The following KCNJ8 variants were observed in gnomAD, a reference collection of about 807,000 sequenced individuals.
KCNJ8 encodes the protein ATP-sensitive inward rectifier potassium channel 8.
Under a neutral mutation model 28.2 loss-of-function variants are expected in KCNJ8, and 13 were observed. That is an observed-to-expected ratio of 0.46 (90% CI 0.30 to 0.73). KCNJ8 has a LOEUF of 0.73. KCNJ8 is among the 30% of genes least tolerant of loss of function. The pLI, the probability that KCNJ8 is intolerant of heterozygous loss-of-function variation, is 0.07. For synonymous variants in KCNJ8, 188 were observed against 195.9 expected (o/e 0.96, Z 0.34); for missense variants, 284 against 542.6 (o/e 0.52, Z 4.73).
chr12:21,773,562 C>G lies in KCNJ8; in HGVS notation c.55G>C (p.Ala19Pro). The part of the protein sequence containing the change: ...PEEYVLARIA[A>P]ENLRKPRIRD... Reference sequence around the variant, plus strand: ...ATGCGCGGCTTGCGCAGGTTCTCTGCGGCGATGCGCGCCAGCACATACTCC... The same window carrying G: ...ATGCGCGGCTTGCGCAGGTTCTCTGGGGCGATGCGCGCCAGCACATACTCC... Residue 19 changes from alanine (A) to proline (P), a missense_variant, in exon 2 of 3, where the codon GCA (alanine) becomes CCA (proline). By Grantham distance (27) the Ala-to-Pro change is conservative. This residue lies in a region of KCNJ8 where 54 missense variants were observed against 77.5 expected (regional missense o/e 0.70). Coordinates refer to ENST00000240662, the MANE Select transcript of KCNJ8 (RefSeq NM_004982.4). The surrounding 1 kb of genome is among the most constrained non-coding windows in gnomAD (Gnocchi z 4.6). 6.2e-7 allele frequency: 1 copy of G among 1,614,066 alleles called. No homozygotes were observed. Among genetic ancestry groups the G allele is most frequent in the Non-Finnish European group, 8.5e-7 (1 of 1,180,038 alleles).
intron 2 of KCNJ8, among the ~76,000 whole-genome samples, chr12:21,767,852 C>T (rs1940668297): frequency 6.6e-6 from 1 of 152,134 alleles, no homozygotes; most frequent in Admixed American, 6.6e-5. Context: ...ACAATTTTTT[C>T]AAAACGTGCT....
chr12:21,774,282 AAG>A (rs1184150337), intron 1 of KCNJ8, among the ~76,000 whole-genome samples: 6 of 152,188 alleles, frequency 3.9e-5, no homozygotes, highest in Non-Finnish European at 7.4e-5. Flanking sequence ...TGCATCTAAA[AAG>A]AGTTAAAAAG....
intron 1 of KCNJ8, among the ~76,000 whole-genome samples, chr12:21,774,032 C>A (rs1408006004): frequency 6.6e-6 from 1 of 152,138 alleles, no homozygotes; most frequent in South Asian, 2.1e-4. Context: ...CAGCACGTGG[C>A]GTCAGTCATG....
In KCNJ8 at chr12:21,765,259, A is replaced by G. The variant is rs1276065363; in HGVS notation, c.*464T>C. On this transcript the variant is annotated 3_prime_UTR_variant, in exon 3 of 3. Transcript: ENST00000240662. ...TACCAAATGCAGTTATCATGGAGAC[A>G]GGAGAAGGCTGATGTACAAAACGCA... 4.3e-6 allele frequency: 1 copy of G among 230,604 alleles called. No individual in the cohort carries two copies. The highest frequency in any genetic ancestry group is 8.6e-6 in the Non-Finnish European group (1 of 116,104). The allele number at this position is 230,604 out of a possible 1,614,324, so 14.3% of individuals were successfully genotyped here.
At chr12:21,772,277 G>A (rs994628613) in intron 2 of KCNJ8, among the ~76,000 whole-genome samples, 7 of 152,076 alleles carry the variant, frequency 4.6e-5, no homozygotes, top group Admixed American at 2.0e-4. Flanking sequence ...AATTTAAAAT[G>A]TTCTTTTAAA....
chr12:21,765,761 T>C lies in KCNJ8; in HGVS notation c.1237A>G (p.Met413Val), dbSNP rs1198878252. The C allele has an allele frequency of 6.2e-7, 1 of 1,614,190 alleles. No individual in the cohort carries two copies. The stretch of plus-strand genomic sequence containing the variant: ...GTGTTTTGATTTCCTTCTGGAGTCA[T>C]AAATTGCACCTTTGGTACCATGAGG... ...SSLMVPKVQF[M>V]TPEGNQNTSE... The change falls in exon 3 of 3, where the codon ATG becomes GTG. Residue 413 changes from methionine (M) to valine (V), a missense_variant. Physicochemically the swap from Met to Val is conservative, Grantham distance 21 (BLOSUM62 1). Around this residue, in one of 8 missense-constraint regions of KCNJ8, gnomAD observed 50 missense variants for 55.9 expected, o/e 0.90. Transcript: ENST00000240662.
In KCNJ8 at chr12:21,774,450, C is replaced by G. The variant is rs1170822311; in HGVS notation, c.-71+96G>C. On this transcript the variant is annotated intron_variant, in intron 1 of 2. Coordinates refer to ENST00000240662, the MANE Select transcript of KCNJ8 (RefSeq NM_004982.4). ...AGTGTGCCCCGAAAAGTCCATCCATCACTGCAAGCCTCTGCGGTGTTTTGC... is the reference window on the plus strand; with the variant it reads ...AGTGTGCCCCGAAAAGTCCATCCATGACTGCAAGCCTCTGCGGTGTTTTGC... 2.6e-5 allele frequency: 4 copies of G among 151,660 alleles called. No homozygotes were observed. In the East Asian group the frequency reaches 7.8e-4, roughly 30 times the overall value. The allele number at this position is 151,660 out of a possible 1,614,324, so 9.4% of individuals were successfully genotyped here.
chr12:21,766,516 A>G lies in KCNJ8; in HGVS notation c.482T>C (p.Leu161Pro). The G allele has an allele frequency of 6.2e-7, 1 of 1,613,508 alleles. No homozygotes were observed. Among genetic ancestry groups the G allele is most frequent in the Admixed American group, 1.7e-5 (1 of 60,014 alleles). ...GATGATCAAACCCACAATATTCTGG[A>G]GAATCAAAACCGTGATGGCCAAAGG... The part of the protein sequence containing the change: ...ECPLAITVLI[L>P]QNIVGLIINA... Residue 161 changes from leucine to proline, a missense_variant, in exon 3 of 3, where the codon CTC becomes CCC. Leu to Pro is a moderately conservative substitution (Grantham distance 98, BLOSUM62 -3). Around this residue, in one of 8 missense-constraint regions of KCNJ8, gnomAD observed 16 missense variants for 25.2 expected, o/e 0.64. Transcript: ENST00000240662. The surrounding 1 kb of genome is among the most constrained non-coding windows in gnomAD (Gnocchi z 6.5).
In KCNJ8 at chr12:21,767,572, C is replaced by A. The variant is rs74069149; in HGVS notation, c.375-949G>T. 6.0e-3 allele frequency among the ~76,000 whole-genome samples: 907 copies of A among 152,180 alleles called. 14 individuals carry two copies. The highest frequency in any genetic ancestry group is 0.02 in the African/African-American group (850 of 41,534). On this transcript the variant is annotated intron_variant, in intron 2 of 2. Transcript: ENST00000240662. ...TGGGACAGTTTTATCCCCACACCAT[C>A]CCCATCCCCCACCCCCATCAGTGGA...
Position 21,773,711 on chromosome 12 carries a change from AAACTT to A in KCNJ8, c.-70-30_-70-26del. Reference sequence around the variant, plus strand: ...CCTGCACGAGGGAAACATTTATTAAAAACTTAAAAACCCACCCTATCCTCACCTCT... The same window carrying A: ...CCTGCACGAGGGAAACATTTATTAAAAAAAACCCACCCTATCCTCACCTCT... On this transcript the variant is annotated intron_variant, in intron 1 of 2. Coordinates refer to ENST00000240662, the MANE Select transcript of KCNJ8 (RefSeq NM_004982.4). This position sits in a 1 kb window ranked among gnomAD's most constrained non-coding sequence, Gnocchi z 4.6. 16 of 1,559,422 alleles carry A rather than the reference AAACTT, an allele frequency of 1.0e-5. No individual in the cohort carries two copies. Among genetic ancestry groups the A allele is most frequent in the Non-Finnish European group, 1.4e-5 (16 of 1,145,134 alleles).
rs1377988779 is a variant in KCNJ8, at chr12:21,765,254, G to C, written c.*469C>G. On this transcript the variant is annotated 3_prime_UTR_variant, in exon 3 of 3. Transcript: ENST00000240662. Reference sequence around the variant, plus strand: ...CTTCCTACCAAATGCAGTTATCATGGAGACAGGAGAAGGCTGATGTACAAA... The same window carrying C: ...CTTCCTACCAAATGCAGTTATCATGCAGACAGGAGAAGGCTGATGTACAAA... The C allele has an allele frequency of 4.4e-6, 1 of 225,378 alleles. No homozygotes were observed. Among genetic ancestry groups the C allele is most frequent in the South Asian group, 6.4e-5 (1 of 15,682 alleles). The allele number at this position is 225,378 out of a possible 1,614,324, so 14.0% of individuals were successfully genotyped here. A position where few individuals can be genotyped will look rare whatever the true frequency, so the allele number is the denominator to read the frequency against.
chr12:21,765,262 A>G lies in KCNJ8; in HGVS notation c.*461T>C, dbSNP rs1940590018. The G allele has an allele frequency of 4.2e-6, 1 of 237,680 alleles. No homozygotes were observed. The highest frequency in any genetic ancestry group is 5.2e-5 in the Admixed American group (1 of 19,126). The allele number at this position is 237,680 out of a possible 1,614,324, so 14.7% of individuals were successfully genotyped here. On this transcript the variant is annotated 3_prime_UTR_variant, in exon 3 of 3. Transcript: ENST00000240662. ...CAAATGCAGTTATCATGGAGACAGG[A>G]GAAGGCTGATGTACAAAACGCATTA...
chr12:21,773,023 C>T lies in KCNJ8; in HGVS notation c.374+220G>A, dbSNP rs1000417676. On this transcript the variant is annotated intron_variant, in intron 2 of 2. Coordinates refer to ENST00000240662, the MANE Select transcript of KCNJ8 (RefSeq NM_004982.4). This position sits in a 1 kb window ranked among gnomAD's most constrained non-coding sequence, Gnocchi z 4.6. Reference sequence around the variant, plus strand: ...ACATTTTCAAGGCTAGTCCAAAGGACTGAAGCTCAGGTTTTCAGAGACTCT... The same window carrying T: ...ACATTTTCAAGGCTAGTCCAAAGGATTGAAGCTCAGGTTTTCAGAGACTCT... Among the ~76,000 whole-genome samples, 51 of 152,292 alleles carry T rather than the reference C, an allele frequency of 3.3e-4. No individual in the cohort carries two copies. Among genetic ancestry groups the T allele is most frequent in the African/African-American group, 1.2e-3 (51 of 41,544 alleles).
chr12:21,767,308 A>AACCCCCC (rs1565659497), intron 2 of KCNJ8, among the ~76,000 whole-genome samples: 1 of 53,726 alleles, frequency 1.9e-5, no homozygotes, highest in Non-Finnish European at 3.4e-5. Flanking sequence ...GGGGTCCCCA[A>AACCCCCC]CCCCCCCCCC....
rs1212537224 is a variant in KCNJ8 at position 21,766,055 on chromosome 12, C to T, written c.943G>A (p.Ala315Thr). 1 of 1,614,116 alleles carries T rather than the reference C, an allele frequency of 6.2e-7. No homozygotes were observed. Among genetic ancestry groups the T allele is most frequent in the South Asian group, 1.1e-5 (1 of 91,078 alleles). Residue 315 changes from alanine (A) to threonine (T), a missense_variant, in exon 3 of 3, where the codon GCT (alanine) becomes ACT (threonine). This residue lies in a region of KCNJ8 where 107 missense variants were observed against 235.6 expected (regional missense o/e 0.45). Coordinates refer to ENST00000240662, the MANE Select transcript of KCNJ8 (RefSeq NM_004982.4). The surrounding 1 kb of genome is among the most constrained non-coding windows in gnomAD (Gnocchi z 6.5). ...CGGTGGCCCCATTGGATCTCCTCAGCAATGTAGGAGGTTCGTGCTTGTGTG... is the reference window on the plus strand; with the variant it reads ...CGGTGGCCCCATTGGATCTCCTCAGTAATGTAGGAGGTTCGTGCTTGTGTG... ...ITTQARTSYIAEEIQWGHRFV... is the reference protein window; with the variant it reads ...ITTQARTSYITEEIQWGHRFV...
In KCNJ8 at chr12:21,765,409, G is replaced by T; in HGVS notation, c.*314C>A. ...CAGACTCATTTCTTGACCAAATTTT[G>T]TGCTCAAGGCCTGTTACTATTAGTG... On this transcript the variant is annotated 3_prime_UTR_variant, in exon 3 of 3. Transcript: ENST00000240662. 2.5e-6 allele frequency: 1 copy of T among 399,296 alleles called. No homozygotes were observed. Among genetic ancestry groups the T allele is most frequent in the Non-Finnish European group, 4.7e-6 (1 of 214,702 alleles). 24.7% of individuals were successfully genotyped at this position (399,296 alleles called of 1,614,324 possible). A position where few individuals can be genotyped will look rare whatever the true frequency, so the allele number is the denominator to read the frequency against.
Position 21,765,768 on chromosome 12 carries a change from C to A in KCNJ8, c.1230G>T (p.Val410=), listed in dbSNP as rs778285174. ...GATTTCCTTCTGGAGTCATAAATTGCACCTTTGGTACCATGAGGGAAGAAT... is the reference window on the plus strand; with the variant it reads ...GATTTCCTTCTGGAGTCATAAATTGAACCTTTGGTACCATGAGGGAAGAAT... The part of the protein sequence containing the change: ...RNNSSLMVPK[V]QFMTPEGNQN... The change falls in exon 3 of 3, where the codon GTG becomes GTT. Residue 410 remains valine, a synonymous_variant. Coordinates refer to ENST00000240662, the MANE Select transcript of KCNJ8 (RefSeq NM_004982.4). The A allele has an allele frequency of 3.7e-6, 6 of 1,614,132 alleles. No homozygotes were observed. The highest frequency in any genetic ancestry group is 5.1e-6 in the Non-Finnish European group (6 of 1,179,968).
rs934804701 is a variant in KCNJ8 at position 21,765,175 on chromosome 12, G to A, written c.*548C>T. The A allele has an allele frequency of 1.1e-5, 2 of 179,106 alleles. No individual in the cohort carries two copies. The highest frequency in any genetic ancestry group is 5.5e-5 in the Admixed American group (1 of 18,112). 11.1% of individuals were successfully genotyped at this position (179,106 alleles called of 1,614,324 possible). ...TTCAGGAGTCACCGACAGACAAAGC[G>A]AATGAACTGAATCCACTTACAAACA... On this transcript the variant is annotated 3_prime_UTR_variant, in exon 3 of 3. Transcript: ENST00000240662.
chr12:21,772,018 TTGC>T (rs1235081652), intron 2 of KCNJ8, among the ~76,000 whole-genome samples: 1 of 152,224 alleles, frequency 6.6e-6, no homozygotes, highest in Non-Finnish European at 1.5e-5. Flanking sequence ...AATACAGTTT[TTGC>T]TGCTCAGAAT....
Sources: gnomAD v4.1 joint callset for allele counts (sites outside exome capture counted in the v4.1 genomes callset) on GRCh38, gnomAD v4.1.1 for gene constraint, gnomAD v4.1.1 regional missense constraint, Gnocchi (gnomAD v3.1) non-coding constraint, MANE v1.5 for transcripts, NCBI Gene and HGNC (gene_info 2026-07-23, HGNC 2026-07-21) for gene names.